The following DLGAP2 variants were observed in gnomAD, a reference collection of about 807,000 sequenced individuals.
DLGAP2 encodes the protein DLG associated protein 2, also known as disks large-associated protein 2.
In DLGAP2, 26 loss-of-function variants were observed where a neutral mutation model predicts 100.3. The ratio of observed to expected loss-of-function variants is 0.26; its 90% CI spans 0.19 to 0.36. The LOEUF (loss-of-function observed/expected upper bound fraction) is 0.36, where lower values mean the gene tolerates loss of function less well. DLGAP2 is among the 10% of genes least tolerant of loss of function. The pLI is 1.00. For missense variants in DLGAP2, 1,858 were observed against 1,453.2 expected, an observed-to-expected ratio of 1.28 and a Z score of -4.53; for synonymous variants, 886 against 630.1, an observed-to-expected ratio of 1.41 and a Z score of -6.08.
At chr8:1,674,643 C>T (rs1399272691) in intron 10 of DLGAP2, among the ~76,000 whole-genome samples, 1 of 152,190 alleles carries the variant, frequency 6.6e-6, no homozygotes, top group Non-Finnish European at 1.5e-5. Context: ...TTGGCAATAT[C>T]TACCAAAATT....
At chr8:1,356,688 A>G (rs906088237) in intron 3 of DLGAP2, among the ~76,000 whole-genome samples, 2 of 152,220 alleles carry the variant, frequency 1.3e-5, no homozygotes, top group African/African-American at 4.8e-5. Context: ...GTATGAGCAA[A>G]CGATCATTCG....
At chr8:1,451,896 C>A (rs545879683) in intron 3 of DLGAP2, among the ~76,000 whole-genome samples, 28 of 152,350 alleles carry the variant, frequency 1.8e-4, no homozygotes, top group Middle Eastern at 3.4e-3. Flanking sequence ...TCACGGGCTC[C>A]CACACACACG....
intron 2 of DLGAP2, among the ~76,000 whole-genome samples, chr8:1,027,381 C>A (rs1430844050): frequency 6.9e-6 from 1 of 144,546 alleles, no homozygotes; most frequent in Non-Finnish European, 1.5e-5. Flanking sequence ...AGGTGGGGTG[C>A]TTGGTGCCCG....
chr8:827,226 C>T (rs1032626904), intron 1 of DLGAP2, among the ~76,000 whole-genome samples: 2 of 152,148 alleles, frequency 1.3e-5, no homozygotes, highest in Non-Finnish European at 2.9e-5. Flanking sequence ...TATTACCTAA[C>T]CTATAAAACT....
chr8:817,897 C>G (rs1417148554), intron 1 of DLGAP2, among the ~76,000 whole-genome samples: 2 of 152,226 alleles, frequency 1.3e-5, no homozygotes, highest in South Asian at 4.2e-4. Flanking sequence ...CTGTGAGGGT[C>G]CTTGGTTGTG....
intron 3 of DLGAP2, among the ~76,000 whole-genome samples, chr8:1,455,654 C>T (rs1483112563): frequency 6.6e-6 from 1 of 152,234 alleles, no homozygotes; most frequent in Non-Finnish European, 1.5e-5. Flanking sequence ...AGTCCCACTG[C>T]CAGGGGCACG....
intron 1 of DLGAP2, among the ~76,000 whole-genome samples, chr8:836,517 G>A (rs1367525727): frequency 6.6e-6 from 1 of 152,216 alleles, no homozygotes; most frequent in Non-Finnish European, 1.5e-5. Context: ...TTCGAGGCCT[G>A]GCAGGTGCGG....
At chr8:1,597,482 G>T (rs555364573) in intron 6 of DLGAP2, among the ~76,000 whole-genome samples, 2 of 151,490 alleles carry the variant, frequency 1.3e-5, no homozygotes, top group South Asian at 4.2e-4. Context: ...TCACAATATT[G>T]GTTCTTCCTA....
At position 1,668,555 on chromosome 8, in the gene DLGAP2, G is replaced by A. The variant is rs751734085; in HGVS notation, c.2037G>A (p.Thr679=). ...SNKAMNLALE[T]AAAQRHLPES... ...AGGCCATGAACCTCGCGCTGGAAAC[G>A]GCCGCTGCCCAGCGCCACCTGCCAG... Residue 679 remains threonine (T), a synonymous_variant, in exon 9 of 15, where the codon ACG becomes ACA. Transcript: ENST00000637795. The A allele has an allele frequency of 8.8e-6, 14 of 1,590,250 alleles. No homozygotes were observed. Among genetic ancestry groups the A allele is most frequent in the East Asian group, 6.9e-5 (3 of 43,190 alleles).
intron 2 of DLGAP2, among the ~76,000 whole-genome samples, chr8:996,218 T>A (rs761271881): frequency 6.6e-6 from 1 of 152,188 alleles, no homozygotes; most frequent in Non-Finnish European, 1.5e-5. Context: ...CCTTCTTTAC[T>A]TATAGTAACT....
intron 1 of DLGAP2, among the ~76,000 whole-genome samples, chr8:900,438 T>A (rs1798230154): frequency 6.6e-6 from 1 of 152,232 alleles, no homozygotes; most frequent in Non-Finnish European, 1.5e-5. Flanking sequence ...GCCCACATCC[T>A]CTCACTCCTG....
rs142056774 is a variant in DLGAP2 at position 1,660,078 on chromosome 8, G to A, written c.1811-8251G>A. Among the ~76,000 whole-genome samples, 855 of 152,250 alleles carry A rather than the reference G, an allele frequency of 5.6e-3. 27 individuals are homozygous for A. Among genetic ancestry groups the A allele is most frequent in the Admixed American group, 0.052 (796 of 15,300 alleles). ...TCTCAGCATCTGCTTGTCTGTAAAG[G>A]ATTTTATTTCTCCTTCACTTATTTA... On this transcript the variant is annotated intron_variant, in intron 8 of 14. Transcript: ENST00000637795.
chr8:1,177,936 G>A (rs1797297483), intron 2 of DLGAP2, among the ~76,000 whole-genome samples: 1 of 152,218 alleles, frequency 6.6e-6, no homozygotes, highest in African/African-American at 2.4e-5. Flanking sequence ...CCTTCAGGAA[G>A]CACCAGCTGA....
At chr8:1,227,736 A>G (rs1405751008) in intron 2 of DLGAP2, among the ~76,000 whole-genome samples, 3 of 152,214 alleles carry the variant, frequency 2.0e-5, no homozygotes, top group African/African-American at 7.2e-5. Context: ...AAAACTAGTT[A>G]TCAGGGATGG....
chr8:1,482,173 A>T (rs927816177), intron 3 of DLGAP2, among the ~76,000 whole-genome samples: 1 of 152,214 alleles, frequency 6.6e-6, no homozygotes, highest in Non-Finnish European at 1.5e-5. Flanking sequence ...GTCAAATGTG[A>T]TGTGCTTGAG....
At chr8:1,349,569 G>T (rs1350596540) in intron 3 of DLGAP2, among the ~76,000 whole-genome samples, 2 of 134,904 alleles carry the variant, frequency 1.5e-5, no homozygotes, top group Non-Finnish European at 3.1e-5. Context: ...CAGATAGGAA[G>T]GGGTGTTTGA....
chr8:848,848 G>GTGTTCCAGCATAGGATTGCGCGGTGTC lies in DLGAP2; in HGVS notation c.19-59048_19-59047insTGCGCGGTGTCTGTTCCAGCATAGGAT, dbSNP rs1563061786. On this transcript the variant is annotated intron_variant, in intron 1 of 14. Transcript: ENST00000637795. ...GTTCCAGTCTAGGATCTTGTGATGT[G>GTGTTCCAGCATAGGATTGCGCGGTGTC]TGTTCCAGCATAGGATCGCGCGGTG... Among the ~76,000 whole-genome samples the GTGTTCCAGCATAGGATTGCGCGGTGTC allele has an allele frequency of 1.5e-3, 223 of 146,448 alleles. 11 individuals are homozygous for GTGTTCCAGCATAGGATTGCGCGGTGTC. Among genetic ancestry groups the GTGTTCCAGCATAGGATTGCGCGGTGTC allele is most frequent in the African/African-American group, 2.5e-3 (101 of 39,726 alleles).
At chr8:1,270,673 T>C (rs1038657779) in intron 3 of DLGAP2, among the ~76,000 whole-genome samples, 4 of 150,720 alleles carry the variant, frequency 2.7e-5, no homozygotes, top group African/African-American at 9.8e-5. Context: ...TCTCTGTGTG[T>C]GTCTCTCTAT....
intron 1 of DLGAP2, among the ~76,000 whole-genome samples, chr8:873,720 A>G (rs1182356066): frequency 6.6e-6 from 1 of 152,034 alleles, no homozygotes; most frequent in Non-Finnish European, 1.5e-5. Flanking sequence ...CTTTTTTTCC[A>G]TTTCTTGGAA....
Sources: gnomAD v4.1 joint callset for allele counts (sites outside exome capture counted in the v4.1 genomes callset) on GRCh38, gnomAD v4.1.1 for gene constraint, MANE v1.5 for transcripts, NCBI Gene and HGNC (gene_info 2026-07-23, HGNC 2026-07-21) for gene names.